HM13: variants seen among roughly 807,000 people sequenced by gnomAD.
HM13 encodes signal peptide peptidase.
HM13 carries 18 observed loss-of-function variants against 50.0 expected under a neutral mutation model. The ratio of observed to expected loss-of-function variants is 0.36; its 90% confidence interval spans 0.25 to 0.53. The LOEUF is 0.53. Ranked by LOEUF, HM13 falls within the 20% of genes least tolerant of loss-of-function variation. HM13 has a pLI of 0.90. For missense variants in HM13, 393 were observed against 552.4 expected (o/e 0.71, Z 2.89); for synonymous variants, 197 against 232.6 (o/e 0.85, Z 1.39).
intron 9 of HM13, among the ~76,000 whole-genome samples, chr20:31,560,166 AG>A (rs1984527739): frequency 6.6e-6 from 1 of 152,306 alleles, no homozygotes; most frequent in East Asian, 1.9e-4. Flanking sequence ...AGTGAGCACG[AG>A]GGGGAGAAGG....
chr20:31,561,840 C>A, intron 10 of HM13, 104 bp downstream of exon 10: 1 of 787,208 alleles, frequency 1.3e-6, no homozygotes, highest in East Asian at 2.6e-5. Flanking sequence ...TAGGCACTCC[C>A]CACTGGTGTT....
At chr20:31,521,378 C>T (rs1007199010) in intron 1 of HM13, among the ~76,000 whole-genome samples, 1 of 152,142 alleles carries the variant, frequency 6.6e-6, no homozygotes, top group Non-Finnish European at 1.5e-5. Context: ...TGACACTAAG[C>T]AAGTTACTTC....
chr20:31,554,860 A>T lies in HM13; in HGVS notation c.808+31A>T, dbSNP rs777037624. On this transcript the variant is annotated intron_variant, in intron 8 of 12. Transcript: ENST00000398174. ...CCTGCTGGTGTGGGGGCTATGTGAA[A>T]GGGGTGGAGAGGGTATTCCCCGGAG... 4.6e-6 allele frequency: 7 copies of T among 1,520,468 alleles called. No homozygotes were observed. In the Admixed American group the frequency reaches 8.4e-5, roughly 18 times the overall value. 94.2% of individuals were successfully genotyped at this position (1,520,468 alleles called of 1,614,324 possible). A position where few individuals can be genotyped will look rare whatever the true frequency, so the allele number is the denominator to read the frequency against.
chr20:31,558,025 G>A (rs1027426853), intron 8 of HM13, among the ~76,000 whole-genome samples: 2 of 152,138 alleles, frequency 1.3e-5, no homozygotes, highest in South Asian at 2.1e-4. Context: ...GCTTCTCAGC[G>A]CCTTCCTTCA....
At chr20:31,545,356 G>A (rs1382084612) in intron 4 of HM13, among the ~76,000 whole-genome samples, 1 of 138,322 alleles carries the variant, frequency 7.2e-6, no homozygotes, top group Non-Finnish European at 1.5e-5. Flanking sequence ...CATGGTGCCT[G>A]GCTCATAGTA....
At position 31,559,737 on chromosome 20, in the gene HM13, A is replaced by G; in HGVS notation, c.845+90A>G. 8 of 1,219,698 alleles carry G rather than the reference A, an allele frequency of 6.6e-6. No individual in the cohort carries two copies. The South Asian group carries it at 9.6e-5, about 15-fold the overall frequency. The allele number at this position is 1,219,698 out of a possible 1,614,324, so 75.6% of individuals were successfully genotyped here. ...CCCAGAGAAGGTACCTCAGGAGACC[A>G]GACCCTCCACCCCCACAGCAGCCAG... On this transcript the variant is annotated intron_variant, in intron 9 of 12. Transcript: ENST00000398174.
At chr20:31,516,351 T>C (rs1166658252) in intron 1 of HM13, among the ~76,000 whole-genome samples, 1 of 152,228 alleles carries the variant, frequency 6.6e-6, no homozygotes, top group Non-Finnish European at 1.5e-5. Flanking sequence ...CAGTATTTCC[T>C]GAACTTCCAC....
chr20:31,550,036 T>G, intron 6 of HM13, 28 bp from the exon 7 acceptor site: 2 of 1,591,384 alleles, frequency 1.3e-6, no homozygotes, highest in Non-Finnish European at 1.7e-6. Flanking sequence ...TCACTTCCCT[T>G]CATACTGCTC....
At chr20:31,555,964 T>C (rs1984293358) in intron 8 of HM13, among the ~76,000 whole-genome samples, 1 of 151,862 alleles carries the variant, frequency 6.6e-6, no homozygotes, top group Admixed American at 6.6e-5. Context: ...AGTGAGACCC[T>C]GTCTCTTAAA....
chr20:31,538,307 AC>A (rs1211238353), intron 3 of HM13, 46 bp downstream of exon 3: 7 of 1,614,016 alleles, frequency 4.3e-6, no homozygotes, highest in Non-Finnish European at 5.1e-6. Flanking sequence ...TTTCTCGGGA[AC>A]CAGTACAGGG....
At chr20:31,565,759 G>A (rs1984874355) in intron 10 of HM13, among the ~76,000 whole-genome samples, 1 of 152,152 alleles carries the variant, frequency 6.6e-6, no homozygotes, top group Admixed American at 6.5e-5. Context: ...CCAGTGACCA[G>A]CTAGGTCACC....
At chr20:31,523,868 G>A (rs1202240076) in intron 1 of HM13, among the ~76,000 whole-genome samples, 1 of 152,140 alleles carries the variant, frequency 6.6e-6, no homozygotes, top group African/African-American at 2.4e-5. Context: ...TCCTAGCAAA[G>A]CTGTCCAAGT....
chr20:31,553,571 C>G (rs150825210), intron 7 of HM13, among the ~76,000 whole-genome samples: 127 of 152,190 alleles, frequency 8.3e-4, no homozygotes, highest in African/African-American at 1.9e-3. Context: ...GTAACCTGTG[C>G]AGAGCACAGA....
At chr20:31,517,825 TA>T (rs768958274) in intron 1 of HM13, among the ~76,000 whole-genome samples, 360 of 142,024 alleles carry the variant, frequency 2.5e-3, no homozygotes, top group Admixed American at 4.1e-3. Context: ...ATACACTTGT[TA>T]AAAAAAAAAA....
chr20:31,560,599 A>T (rs947160038), intron 9 of HM13, among the ~76,000 whole-genome samples: 2 of 152,072 alleles, frequency 1.3e-5, no homozygotes, highest in Non-Finnish European at 2.9e-5. Context: ...AGCCGTCTCT[A>T]CTCCTGGCTG....
At chr20:31,555,885 G>A (rs1025593896) in intron 8 of HM13, among the ~76,000 whole-genome samples, 1 of 151,776 alleles carries the variant, frequency 6.6e-6, no homozygotes, top group African/African-American at 2.4e-5. Flanking sequence ...TAGGAGGATC[G>A]TTTGAGCCCA....
chr20:31,530,909 CA>C (rs1982777187), intron 2 of HM13, among the ~76,000 whole-genome samples: 1 of 152,154 alleles, frequency 6.6e-6, no homozygotes, highest in South Asian at 2.1e-4. Flanking sequence ...TAGATAGTGC[CA>C]AATCACCCTC....
At chr20:31,521,620 T>C (rs1285061236) in intron 1 of HM13, among the ~76,000 whole-genome samples, 1 of 151,024 alleles carries the variant, frequency 6.6e-6, no homozygotes, top group Non-Finnish European at 1.5e-5. Flanking sequence ...TCCCAGCTAC[T>C]CGGGAGGCTG....
At position 31,561,720 on chromosome 20, in the gene HM13, T is replaced by A. The variant is rs1212687872; in HGVS notation, c.932T>A (p.Ile311Asn). ...GLGLTIFIMH[I>N]FKHAQPALLY... Reference sequence around the variant, plus strand: ...GGCCTTACCATCTTCATCATGCACATCTTCAAGCATGCTCAGGTGGGCAGG... The same window carrying A: ...GGCCTTACCATCTTCATCATGCACAACTTCAAGCATGCTCAGGTGGGCAGG... Residue 311 changes from isoleucine (I) to asparagine (N), a missense_variant, in exon 10 of 13, where the codon ATC (isoleucine) becomes AAC (asparagine). Physicochemically the swap from Ile to Asn is moderately radical, Grantham distance 149. Transcript: ENST00000398174. The A allele has an allele frequency of 1.9e-6, 3 of 1,609,538 alleles. No individual in the cohort carries two copies. The highest frequency in any genetic ancestry group is 1.7e-5 in the Admixed American group (1 of 59,998).
Sources: gnomAD v4.1 joint callset for allele counts (sites outside exome capture counted in the v4.1 genomes callset) on GRCh38, gnomAD v4.1.1 for gene constraint, MANE v1.5 for transcripts, NCBI Gene and HGNC (gene_info 2026-07-23, HGNC 2026-07-21) for gene names.